The following CHD6 variants were observed in gnomAD, a reference collection of about 807,000 sequenced individuals.
The protein encoded by CHD6 is ATP-dependent chromatin remodeler CHD6.
A neutral mutation model predicts 276.9 loss-of-function variants in CHD6; 50 were observed. The ratio of observed to expected loss-of-function variants is 0.18; its 90% confidence interval spans 0.14 to 0.23. The LOEUF (loss-of-function observed/expected upper bound fraction) is 0.23, where lower values mean the gene tolerates loss of function less well. Among genes scored for constraint, CHD6 ranks in the 10% least tolerant of loss-of-function variants. CHD6 has a pLI of 1.00. For synonymous variants in CHD6, 1,173 were observed against 1,229.3 expected (o/e 0.95, Z 0.96); for missense variants, 2,564 against 3,365.8 (o/e 0.76, Z 5.89).
chr20:41,584,189 G>A (rs116606694), intron 1 of CHD6, among the ~76,000 whole-genome samples: 62 of 152,162 alleles, frequency 4.1e-4, no homozygotes, highest in African/African-American at 1.5e-3. Flanking sequence ...AAGAAAGCTA[G>A]AGAGGTTACA....
At position 41,417,283 on chromosome 20, in the gene CHD6, C is replaced by G. The variant is rs757309476; in HGVS notation, c.6194G>C (p.Gly2065Ala). 4 of 1,614,012 alleles carry G rather than the reference C, an allele frequency of 2.5e-6. No homozygotes were observed. The African/African-American group carries it at 5.3e-5, about 22-fold the overall frequency. The stretch of plus-strand genomic sequence containing the variant: ...AGCTCGAGCCTCCTGTAGCTCATCC[C>G]CAATGTCTCCTGTGATGCCCGATGT... ...SSTSGITGDIGDELQEARAPT... is the reference protein window; with the variant it reads ...SSTSGITGDIADELQEARAPT... Residue 2065 changes from glycine (G) to alanine (A), a missense_variant, in exon 32 of 37, where the codon GGG becomes GCG. Coordinates refer to ENST00000373233, the MANE Select transcript of CHD6 (RefSeq NM_032221.5).
chr20:41,483,236 G>T, intron 16 of CHD6, 73 bp downstream of exon 16: 1 of 1,363,754 alleles, frequency 7.3e-7, no homozygotes, highest in Non-Finnish European at 9.9e-7. Flanking sequence ...CAAAATTTTT[G>T]AATGGATCAA....
Position 41,505,366 on chromosome 20 carries a change from G to A in CHD6, c.853-6009C>T, listed in dbSNP as rs149462575. Among the ~76,000 whole-genome samples the A allele has an allele frequency of 1.4e-3, 211 of 152,128 alleles. 1 individual carries two copies. Among genetic ancestry groups the A allele is most frequent in the African/African-American group, 5.0e-3 (208 of 41,520 alleles). On this transcript the variant is annotated intron_variant, in intron 5 of 36. Coordinates refer to ENST00000373233, the MANE Select transcript of CHD6 (RefSeq NM_032221.5). The stretch of plus-strand genomic sequence containing the variant: ...TCTTGAGGAAATCCCCTTGCTTTGG[G>A]GATTTCTTTAGTTTCCAAACACTCC...
chr20:41,478,235 A>C (rs998389749), intron 16 of CHD6, among the ~76,000 whole-genome samples: 3 of 152,130 alleles, frequency 2.0e-5, no homozygotes, highest in African/African-American at 7.2e-5. Flanking sequence ...CCCCCATCTG[A>C]TGGCCTAAGA....
intron 10 of CHD6, 136 bp from the exon 11 acceptor site, chr20:41,491,955 G>T: frequency 1.1e-6 from 1 of 903,554 alleles, no homozygotes; most frequent in Non-Finnish European, 1.7e-6. Context: ...TCTGAGTAAC[G>T]TATAGGTTGG....
intron 1 of CHD6, among the ~76,000 whole-genome samples, chr20:41,572,487 G>A (rs891611455): frequency 4.6e-5 from 7 of 152,148 alleles, no homozygotes; most frequent in African/African-American, 9.7e-5. Flanking sequence ...GTATCCCAGA[G>A]AGTTGTTTCC....
intron 1 of CHD6, among the ~76,000 whole-genome samples, chr20:41,569,306 A>C (rs1305618229): frequency 1.3e-5 from 2 of 150,788 alleles, no homozygotes; most frequent in Admixed American, 6.6e-5. Context: ...CATCCACAAA[A>C]ATCTGTTAAC....
intron 6 of CHD6, 66 bp from the exon 7 acceptor site, chr20:41,498,292 A>T: frequency 9.3e-7 from 1 of 1,072,796 alleles, no homozygotes; most frequent in Non-Finnish European, 1.4e-6. Context: ...GAGCCAAAAG[A>T]AAACAGGTAA....
intron 11 of CHD6, among the ~76,000 whole-genome samples, chr20:41,490,961 C>CA (rs2043537758): frequency 6.6e-6 from 1 of 151,956 alleles, no homozygotes; most frequent in African/African-American, 2.4e-5. Flanking sequence ...CATTAAAAAA[C>CA]AAAAACAAAA....
chr20:41,477,731 A>G (rs1403382284), intron 16 of CHD6, among the ~76,000 whole-genome samples: 1 of 152,172 alleles, frequency 6.6e-6, no homozygotes, highest in Non-Finnish European at 1.5e-5. Context: ...CCCAGGCAAG[A>G]CACAACCTAA....
chr20:41,445,077 T>C (rs1285648835), intron 25 of CHD6, among the ~76,000 whole-genome samples: 2 of 152,210 alleles, frequency 1.3e-5, no homozygotes, highest in African/African-American at 2.4e-5. Context: ...TTTCAAACAC[T>C]GCCAGAGGTG....
At chr20:41,498,296 C>A (rs1311849704) in intron 6 of CHD6, 70 bp from the exon 7 acceptor site, 4 of 1,056,842 alleles carry the variant, frequency 3.8e-6, no homozygotes, top group Non-Finnish European at 5.7e-6. Flanking sequence ...CAAAAGAAAA[C>A]AGGTAATCAA....
intron 1 of CHD6, among the ~76,000 whole-genome samples, chr20:41,584,936 T>A (rs148438007): frequency 5.8e-4 from 88 of 152,078 alleles, no homozygotes; most frequent in Middle Eastern, 3.4e-3. Context: ...GAAGAAATCA[T>A]AATGAACGAA....
At chr20:41,409,938 G>A (rs2046793854) in intron 36 of CHD6, among the ~76,000 whole-genome samples, 1 of 152,098 alleles carries the variant, frequency 6.6e-6, no homozygotes, top group Non-Finnish European at 1.5e-5. Context: ...GTATATGTGT[G>A]TGTATACATA....
At chr20:41,613,776 G>T (rs60538220) in intron 1 of CHD6, among the ~76,000 whole-genome samples, 1 of 152,136 alleles carries the variant, frequency 6.6e-6, no homozygotes, top group Non-Finnish European at 1.5e-5. Flanking sequence ...GCACAGATCC[G>T]TTTGAGAATC....
chr20:41,555,370 C>A lies in CHD6; in HGVS notation c.-23-4010G>T, dbSNP rs1276704088. Among the ~76,000 whole-genome samples the A allele has an allele frequency of 7.5e-5, 11 of 147,150 alleles. 1 individual carries two copies. The highest frequency in any genetic ancestry group is 2.5e-4 in the African/African-American group (10 of 40,108). The stretch of plus-strand genomic sequence containing the variant: ...GCCGGCCGGGCGGGGGGCCGACCCC[C>A]CCACCTCCCTCCCGGACGGGGCGGC... On this transcript the variant is annotated intron_variant, in intron 1 of 36. Transcript: ENST00000373233.
intron 1 of CHD6, among the ~76,000 whole-genome samples, chr20:41,568,511 C>T (rs1199450143): frequency 1.3e-5 from 2 of 152,228 alleles, no homozygotes; most frequent in Non-Finnish European, 2.9e-5. Context: ...CAGCACTCTT[C>T]AATCTACAGA....
At chr20:41,568,073 A>G (rs1312791826) in intron 1 of CHD6, among the ~76,000 whole-genome samples, 1 of 152,248 alleles carries the variant, frequency 6.6e-6, no homozygotes, top group Non-Finnish European at 1.5e-5. Context: ...CCAAGGGTGA[A>G]GTACACAGAA....
At chr20:41,540,986 G>T (rs1448229888) in intron 2 of CHD6, among the ~76,000 whole-genome samples, 2 of 145,296 alleles carry the variant, frequency 1.4e-5, no homozygotes, top group Non-Finnish European at 3.0e-5. Context: ...TCTTCTGAAA[G>T]ATTTTTTTTA....
Sources: gnomAD v4.1 joint callset for allele counts (sites outside exome capture counted in the v4.1 genomes callset) on GRCh38, gnomAD v4.1.1 for gene constraint, MANE v1.5 for transcripts, NCBI Gene and HGNC (gene_info 2026-07-23, HGNC 2026-07-21) for gene names.